The following AGBL3 variants were observed in gnomAD, a reference collection of about 807,000 sequenced individuals.
AGBL3 encodes the protein cytosolic carboxypeptidase 3.
A neutral mutation model predicts 94.5 loss-of-function variants in AGBL3; 68 were observed. The observed-to-expected ratio is 0.72, with a 90% CI of 0.59 to 0.88. The LOEUF (loss-of-function observed/expected upper bound fraction) is 0.88. Among genes scored for constraint, AGBL3 ranks in the 40% least tolerant of loss-of-function variants. The pLI, the probability that AGBL3 is intolerant of heterozygous loss-of-function variation, is 0.00. For missense variants in AGBL3, 934 were observed against 1,103.8 expected, an observed-to-expected ratio of 0.85 and a Z score of 2.18; for synonymous variants, 354 against 370.7, an observed-to-expected ratio of 0.95 and a Z score of 0.52.
chr7:135,096,016 G>C (rs1207493643), intron 15 of AGBL3, among the ~76,000 whole-genome samples: 1 of 152,128 alleles, frequency 6.6e-6, no homozygotes, highest in African/African-American at 2.4e-5. Flanking sequence ...GCTGGGTGTA[G>C]TTCCACATAC....
At chr7:135,082,953 AT>A (rs2116864232) in intron 15 of AGBL3, among the ~76,000 whole-genome samples, 1 of 152,192 alleles carries the variant, frequency 6.6e-6, no homozygotes, top group South Asian at 2.1e-4. Flanking sequence ...CCAAATTCAA[AT>A]TCATCTAATT....
chr7:135,096,576 G>GATAGATAGATAGATAT (rs1169645373), intron 15 of AGBL3, among the ~76,000 whole-genome samples: 1 of 26,000 alleles, frequency 3.8e-5, no homozygotes, highest in Non-Finnish European at 1.2e-4. Flanking sequence ...TAGATAGATA[G>GATAGATAGATAGATAT]ATAGATACAT....
At chr7:135,101,250 A>G (rs1487515844) in intron 15 of AGBL3, 1 of 456,124 alleles carries the variant, frequency 2.2e-6, no homozygotes, top group African/African-American at 2.0e-5. Flanking sequence ...TTCTACTTGG[A>G]CTGAGAAGAC....
chr7:135,028,120 C>CT (rs973856341), intron 5 of AGBL3, among the ~76,000 whole-genome samples: 4 of 151,604 alleles, frequency 2.6e-5, no homozygotes, highest in African/African-American at 7.2e-5. Flanking sequence ...AATTCATATT[C>CT]TTTTTGCTTG....
At chr7:135,060,395 G>A (rs1818721955) in intron 12 of AGBL3, among the ~76,000 whole-genome samples, 1 of 152,030 alleles carries the variant, frequency 6.6e-6, no homozygotes, top group African/African-American at 2.4e-5. Flanking sequence ...TATTTTTGTG[G>A]TGAGAACACT....
rs143355507 is a variant in AGBL3 at position 135,117,888 on chromosome 7, A to G, written c.2342+2277A>G. Among the ~76,000 whole-genome samples the G allele has an allele frequency of 1.7e-4, 26 of 152,312 alleles. 1 individual carries two copies. Among genetic ancestry groups the G allele is most frequent in the African/African-American group, 4.6e-4 (19 of 41,560 alleles). ...CCTCTACCCACTGGCATGGTTGCCAATCAGATTATCTTTCTCTATACTTTG... is the reference window on the plus strand; with the variant it reads ...CCTCTACCCACTGGCATGGTTGCCAGTCAGATTATCTTTCTCTATACTTTG... On this transcript the variant is annotated intron_variant, in intron 16 of 16. Transcript: ENST00000436302.
chr7:135,126,487 C>T (rs1021107238), intron 16 of AGBL3, among the ~76,000 whole-genome samples: 2 of 152,216 alleles, frequency 1.3e-5, no homozygotes, highest in African/African-American at 4.8e-5. Flanking sequence ...AGATTCAACA[C>T]TTTTCCCATC....
At chr7:135,082,199 T>C (rs952350026) in intron 15 of AGBL3, among the ~76,000 whole-genome samples, 1 of 152,192 alleles carries the variant, frequency 6.6e-6, no homozygotes, top group Non-Finnish European at 1.5e-5. Flanking sequence ...ATATGTGTCC[T>C]TGTAAATTTC....
At chr7:135,029,236 A>G (rs945815686) in intron 5 of AGBL3, among the ~76,000 whole-genome samples, 7 of 152,188 alleles carry the variant, frequency 4.6e-5, no homozygotes, top group African/African-American at 1.4e-4. Flanking sequence ...CAGGGCATTG[A>G]CTTGACTTCT....
chr7:135,024,459 T>C (rs147430657), intron 5 of AGBL3, among the ~76,000 whole-genome samples: 178 of 152,304 alleles, frequency 1.2e-3, no homozygotes, highest in African/African-American at 4.1e-3. Flanking sequence ...GTACAGAGCT[T>C]TGGCCTTCTG....
intron 5 of AGBL3, among the ~76,000 whole-genome samples, chr7:135,023,382 G>A (rs570989782): frequency 8.5e-5 from 13 of 152,260 alleles, no homozygotes; most frequent in South Asian, 4.2e-4. Context: ...GCTGAATGCC[G>A]GGGCTAGTTC....
At chr7:135,128,314 A>C (rs1170260362) in intron 16 of AGBL3, 11 of 244,420 alleles carry the variant, frequency 4.5e-5, no homozygotes, top group Non-Finnish European at 7.8e-5. Flanking sequence ...AAAAAAAAAA[A>C]AAAAACGAAA....
At chr7:135,113,198 T>G (rs1825878398) in intron 15 of AGBL3, among the ~76,000 whole-genome samples, 1 of 152,240 alleles carries the variant, frequency 6.6e-6, no homozygotes, top group South Asian at 2.1e-4. Flanking sequence ...CAGATCTAGC[T>G]TAAAGCAATG....
At chr7:134,988,162 GA>G (rs1385713307) in intron 2 of AGBL3, 166 bp downstream of exon 2, 2 of 555,384 alleles carry the variant, frequency 3.6e-6, no homozygotes, top group Non-Finnish European at 6.4e-6. Flanking sequence ...CTATCACTGG[GA>G]ACACTATGCC....
At chr7:135,057,615 G>C (rs1195033790) in intron 11 of AGBL3, among the ~76,000 whole-genome samples, 1 of 152,068 alleles carries the variant, frequency 6.6e-6, no homozygotes, top group Non-Finnish European at 1.5e-5. Flanking sequence ...AGCTATTTTG[G>C]AAGCCAGTTT....
At chr7:135,096,152 A>G (rs891627223) in intron 15 of AGBL3, among the ~76,000 whole-genome samples, 1 of 39,662 alleles carries the variant, frequency 2.5e-5, no homozygotes, top group African/African-American at 7.5e-5. Flanking sequence ...ACTCTCTCTC[A>G]AAAAAAAAAA....
chr7:135,068,148 C>T (rs1441348322), intron 12 of AGBL3, among the ~76,000 whole-genome samples: 1 of 151,752 alleles, frequency 6.6e-6, no homozygotes, highest in Non-Finnish European at 1.5e-5. Flanking sequence ...GATGGAAGAT[C>T]AAATGAATGT....
intron 16 of AGBL3, among the ~76,000 whole-genome samples, chr7:135,117,897 T>C (rs1826554702): frequency 6.6e-6 from 1 of 152,214 alleles, no homozygotes; most frequent in Non-Finnish European, 1.5e-5. Flanking sequence ...AATCAGATTA[T>C]CTTTCTCTAT....
intron 15 of AGBL3, among the ~76,000 whole-genome samples, chr7:135,094,958 A>G (rs1822437795): frequency 6.6e-6 from 1 of 152,210 alleles, no homozygotes; most frequent in East Asian, 1.9e-4. Flanking sequence ...TGTTGAGAGC[A>G]CAGATGTTTG....
Sources: gnomAD v4.1 joint callset for allele counts (sites outside exome capture counted in the v4.1 genomes callset) on GRCh38, gnomAD v4.1.1 for gene constraint, MANE v1.5 for transcripts, NCBI Gene and HGNC (gene_info 2026-07-23, HGNC 2026-07-21) for gene names.